Variants in HYDIN observed in about 807,000 individuals in gnomAD.
HYDIN encodes axonemal central pair apparatus protein HYDIN.
Under a neutral mutation model 403.9 loss-of-function variants are expected in HYDIN, and 132 were observed. The ratio of observed to expected loss-of-function variants is 0.33; its 90% CI spans 0.28 to 0.38. The LOEUF is 0.38. Ranked by LOEUF, HYDIN falls within the 10% of genes least tolerant of loss-of-function variation. The pLI is 1.00. For synonymous variants in HYDIN, 1,202 were observed against 1,891.7 expected, an observed-to-expected ratio of 0.64 and a Z score of 9.46; for missense variants, 2,827 against 5,009.5, an observed-to-expected ratio of 0.56 and a Z score of 13.15.
At chr16:70,877,599 G>C (rs896344559) in intron 62 of HYDIN, among the ~76,000 whole-genome samples, 3 of 152,154 alleles carry the variant, frequency 2.0e-5, no homozygotes, top group Non-Finnish European at 4.4e-5. Context: ...CTTATAAGGA[G>C]CACGCAGCCT....
chr16:70,908,913 A>C (rs1798482), intron 47 of HYDIN, 52 bp from the exon 48 acceptor site: 2 of 1,601,176 alleles, frequency 1.2e-6, no homozygotes, highest in Middle Eastern at 3.3e-4. Context: ...TGTACACACA[A>C]ACAGAAGACA....
rs1270312141 is a variant in HYDIN at position 70,974,631 on chromosome 16, G to A, written c.4812C>T (p.Ile1604=). The A allele has an allele frequency of 2.2e-6, 3 of 1,380,284 alleles. No homozygotes were observed. Among genetic ancestry groups the A allele is most frequent in the Non-Finnish European group, 1.0e-6 (1 of 976,354 alleles). The allele number at this position is 1,380,284 out of a possible 1,614,324, so 85.5% of individuals were successfully genotyped here. A position where few individuals can be genotyped will look rare whatever the true frequency, so the allele number is the denominator to read the frequency against. ...TGTGGGTTCGGACTTCGCCAAGGAT[G>A]ATGTAGCCAAAGTCCAGGATGTACT... ...LPEYILDFGY[I]ILGEVRTHII... Residue 1604 remains isoleucine, a synonymous_variant, in exon 32 of 86, where the codon ATC becomes ATT. Transcript: ENST00000393567.
At chr16:70,871,322 G>A (rs1282946241) in intron 65 of HYDIN, among the ~76,000 whole-genome samples, 8 of 152,170 alleles carry the variant, frequency 5.3e-5, no homozygotes, top group Non-Finnish European at 1.0e-4. Flanking sequence ...CTGTGCTTGA[G>A]CAGACTCACT....
intron 39 of HYDIN, among the ~76,000 whole-genome samples, chr16:70,956,434 A>G (rs1597408873): frequency 6.6e-6 from 1 of 152,246 alleles, no homozygotes; most frequent in Non-Finnish European, 1.5e-5. Context: ...TGGCTCCTCC[A>G]AAGATTTCCA....
At chr16:71,209,194 C>T (rs1318349765) in intron 1 of HYDIN, among the ~76,000 whole-genome samples, 2 of 149,954 alleles carry the variant, frequency 1.3e-5, no homozygotes, top group Non-Finnish European at 3.0e-5. Context: ...AACTAATCCA[C>T]CACCATCTAG....
chr16:71,169,589 A>G (rs1352256902), intron 5 of HYDIN, among the ~76,000 whole-genome samples: 1 of 152,236 alleles, frequency 6.6e-6, no homozygotes, highest in Non-Finnish European at 1.5e-5. Flanking sequence ...ATACTACGTG[A>G]TCTGACTTAT....
At position 70,829,523 on chromosome 16, in the gene HYDIN, C is replaced by G. The variant is rs528469317; in HGVS notation, c.14112+95G>C. On this transcript the variant is annotated intron_variant, in intron 81 of 85. Transcript: ENST00000393567. ...TGCTGGGATTACAGGCATGAGCCAC[C>G]ACGCCCAGCCCCAAAGTGTCTTTTA... 8.8e-4 allele frequency: 792 copies of G among 901,592 alleles called. No homozygotes were observed. In the African/African-American group the frequency reaches 0.011, roughly 12 times the overall value. The allele number at this position is 901,592 out of a possible 1,614,324, so 55.8% of individuals were successfully genotyped here.
chr16:70,954,452 C>CA (rs56235375), intron 40 of HYDIN, among the ~76,000 whole-genome samples: 2,453 of 65,626 alleles, frequency 0.037, 19 homozygotes, highest in Non-Finnish European at 0.043. Flanking sequence ...TACCTTGTCT[C>CA]AAAAAAAAAA....
At chr16:71,165,729 A>G (rs2144613906) in intron 5 of HYDIN, among the ~76,000 whole-genome samples, 1 of 151,804 alleles carries the variant, frequency 6.6e-6, no homozygotes, top group African/African-American at 2.4e-5. Flanking sequence ...GCTCTTTTAC[A>G]TGGCGTGAGG....
At chr16:71,158,128 C>T (rs919837222) in intron 6 of HYDIN, among the ~76,000 whole-genome samples, 9 of 152,208 alleles carry the variant, frequency 5.9e-5, no homozygotes, top group Non-Finnish European at 1.0e-4. Flanking sequence ...CACTGAGCAG[C>T]GCAGGGGAAT....
At chr16:70,976,879 G>A (rs1190162392) in intron 30 of HYDIN, among the ~76,000 whole-genome samples, 1 of 152,036 alleles carries the variant, frequency 6.6e-6, no homozygotes, top group African/African-American at 2.4e-5. Flanking sequence ...GTTAATGTGT[G>A]CCATGGCCCA....
intron 1 of HYDIN, among the ~76,000 whole-genome samples, chr16:71,227,333 A>G (rs577956736): frequency 2.7e-4 from 41 of 152,076 alleles, no homozygotes; most frequent in Admixed American, 1.6e-3. Context: ...CACAGCTATA[A>G]GAATAAAGTG....
chr16:70,877,778 C>T (rs1473336096), intron 62 of HYDIN, among the ~76,000 whole-genome samples: 1 of 151,972 alleles, frequency 6.6e-6, no homozygotes, highest in East Asian at 1.9e-4. Flanking sequence ...GTTGGGGACC[C>T]CTCTCTTAAA....
chr16:70,891,021 G>A lies in HYDIN; in HGVS notation c.9656+625C>T, dbSNP rs934323114. 4.4e-3 allele frequency among the ~76,000 whole-genome samples: 664 copies of A among 150,808 alleles called. 5 individuals are homozygous for A. Among genetic ancestry groups the A allele is most frequent in the African/African-American group, 0.015 (621 of 40,936 alleles). On this transcript the variant is annotated intron_variant, in intron 57 of 85. Transcript: ENST00000393567. ...AATGATCTAACAAGTCCTTCAGCAC[G>A]CCAGGAGCACCAGGACAACAGACAA...
At chr16:71,225,448 T>C (rs1334852440) in intron 1 of HYDIN, among the ~76,000 whole-genome samples, 1 of 152,252 alleles carries the variant, frequency 6.6e-6, no homozygotes, top group Non-Finnish European at 1.5e-5. Context: ...TGAGGACTGC[T>C]GCAGCACTCT....
chr16:71,202,069 T>A (rs2088046974), intron 1 of HYDIN, among the ~76,000 whole-genome samples: 1 of 152,202 alleles, frequency 6.6e-6, no homozygotes, highest in Non-Finnish European at 1.5e-5. Context: ...ATAACTTCTA[T>A]CTTATATGCC....
chr16:71,004,916 T>C (rs578119604), intron 23 of HYDIN, among the ~76,000 whole-genome samples: 1,588 of 152,182 alleles, frequency 0.01, 18 homozygotes, highest in African/African-American at 0.037. Context: ...TTTAGATTTC[T>C]TTTTTTATAA....
At chr16:70,895,817 G>A (rs1387664955) in intron 54 of HYDIN, among the ~76,000 whole-genome samples, 164 bp downstream of exon 54, 1 of 151,378 alleles carries the variant, frequency 6.6e-6, no homozygotes, top group Non-Finnish European at 1.5e-5. Context: ...ACGATTTGTA[G>A]TCATGCTGCT....
chr16:70,977,560 G>A (rs1416399169), intron 30 of HYDIN, among the ~76,000 whole-genome samples: 1 of 151,060 alleles, frequency 6.6e-6, no homozygotes, highest in Non-Finnish European at 1.5e-5. Context: ...CCACATTAGA[G>A]CCCCCTCTTA....
Sources: allele counts gnomAD v4.1 joint callset (sites outside exome capture counted in the v4.1 genomes callset), GRCh38; gene constraint gnomAD v4.1.1; transcripts MANE v1.5; gene names NCBI Gene and HGNC (gene_info 2026-07-23, HGNC 2026-07-21).